The following TBX5 variants were observed in gnomAD, a reference collection of about 807,000 sequenced individuals.
TBX5 encodes the protein T-box transcription factor 5.
Under a neutral mutation model 51.1 loss-of-function variants are expected in TBX5, and 8 were observed. The ratio of observed to expected loss-of-function variants is 0.16; its 90% CI spans 0.09 to 0.28. TBX5 has a LOEUF of 0.28. TBX5 is among the 10% of genes least tolerant of loss of function. The pLI, the probability that TBX5 is intolerant of heterozygous loss-of-function variation, is 1.00. For synonymous variants in TBX5, 302 were observed against 266.4 expected (o/e 1.13, Z -1.30); for missense variants, 589 against 671.7 (o/e 0.88, Z 1.36).
In TBX5 at chr12:114,366,286, C is replaced by T; in HGVS notation, c.861G>A (p.Leu287=). 6.2e-7 allele frequency: 1 copy of T among 1,614,054 alleles called. No homozygotes were observed. Among genetic ancestry groups the T allele is most frequent in the Non-Finnish European group, 8.5e-7 (1 of 1,180,018 alleles). ...ESRALSTSSN[L]GSQYQCENGV... ...CATTCTCACACTGGTATTGGGACCC[C>T]AAATTGGATGAGGTGGAGAGAGCTC... The change falls in exon 8 of 9, where the codon TTG becomes TTA. Residue 287 remains leucine, a synonymous_variant. Coordinates refer to ENST00000405440, the MANE Select transcript of TBX5 (RefSeq NM_181486.4).
At chr12:114,367,001 G>A (rs1869575723) in intron 7 of TBX5, among the ~76,000 whole-genome samples, 1 of 152,090 alleles carries the variant, frequency 6.6e-6, no homozygotes, top group Non-Finnish European at 1.5e-5. Flanking sequence ...TGTAAAGTAG[G>A]GATAATGAAT....
upstream of TBX5, chr12:114,408,312 C>T: frequency 1.4e-6 from 1 of 720,918 alleles, no homozygotes; most frequent in Non-Finnish European, 1.7e-6. Flanking sequence ...ACAAATAGAG[C>T]CAAGATCGAC....
At chr12:114,400,309 G>C (rs950579451) in intron 3 of TBX5, among the ~76,000 whole-genome samples, 34 of 152,126 alleles carry the variant, frequency 2.2e-4, no homozygotes, top group Non-Finnish European at 3.8e-4. Context: ...AAATTCCTTG[G>C]CCTTCAGCAA....
intron 2 of TBX5, among the ~76,000 whole-genome samples, chr12:114,402,983 T>C (rs1194063590): frequency 1.3e-5 from 2 of 152,072 alleles, no homozygotes; most frequent in Admixed American, 1.3e-4. Flanking sequence ...GTGTCTCTTC[T>C]GGTCGTCACC....
At chr12:114,391,546 A>G (rs1351594723) in intron 6 of TBX5, among the ~76,000 whole-genome samples, 1 of 152,190 alleles carries the variant, frequency 6.6e-6, no homozygotes, top group Non-Finnish European at 1.5e-5. Context: ...TCTTCACAAC[A>G]ACACTATGAG....
chr12:114,405,486 A>C (rs1243904607), intron 1 of TBX5, 142 bp downstream of exon 1: 2 of 157,076 alleles, frequency 1.3e-5, no homozygotes, highest in African/African-American at 4.8e-5. Flanking sequence ...TTTGCCGGGG[A>C]GCTCCGAGCC....
In TBX5 at chr12:114,372,981, TACACACACACACAC is replaced by T. The variant is rs56137685; in HGVS notation, c.756-6604_756-6591del. Among the ~76,000 whole-genome samples the T allele has an allele frequency of 3.1e-3, 440 of 142,950 alleles. 4 individuals carry two copies. The highest frequency in any genetic ancestry group is 9.4e-3 in the African/African-American group (367 of 38,986). The allele number at this position is 142,950 out of a possible 152,430, so 93.8% of individuals were successfully genotyped here. ...GAAAGGCTTAGCGAATATATATACA[TACACACACACACAC>T]ACACACACACACACACACACACACA... On this transcript the variant is annotated intron_variant, in intron 7 of 8. Coordinates refer to ENST00000405440, the MANE Select transcript of TBX5 (RefSeq NM_181486.4).
intron 5 of TBX5, 46 bp from the exon 6 acceptor site, chr12:114,394,939 C>G: frequency 6.3e-7 from 1 of 1,597,492 alleles, no homozygotes. Context: ...TCAAAACTCC[C>G]TTTGTCTCCA....
intron 6 of TBX5, among the ~76,000 whole-genome samples, chr12:114,394,414 ACCTTTCTT>A (rs1871309733): frequency 6.6e-6 from 1 of 152,044 alleles, no homozygotes; most frequent in African/African-American, 2.4e-5. Flanking sequence ...CCATTAAGCA[ACCTTTCTT>A]CCCACTAGGC....
intron 5 of TBX5, among the ~76,000 whole-genome samples, chr12:114,398,279 G>C (rs1451296212): frequency 6.6e-6 from 1 of 152,144 alleles, no homozygotes; most frequent in Non-Finnish European, 1.5e-5. Flanking sequence ...GTGTAGGAGA[G>C]TAGTGGAGAC....
chr12:114,369,759 A>G (rs1429238071), intron 7 of TBX5, among the ~76,000 whole-genome samples: 2 of 152,178 alleles, frequency 1.3e-5, no homozygotes, highest in Admixed American at 6.5e-5. Context: ...AAAGTTGAAA[A>G]GCCCTTCTGT....
chr12:114,361,340 C>T (rs963286985), intron 8 of TBX5, among the ~76,000 whole-genome samples: 38 of 152,330 alleles, frequency 2.5e-4, no homozygotes, highest in African/African-American at 8.2e-4. Context: ...TCCCCTTCCC[C>T]TCTCAATCTC....
At chr12:114,359,591 T>C (rs1285709544) in intron 8 of TBX5, among the ~76,000 whole-genome samples, 2 of 152,222 alleles carry the variant, frequency 1.3e-5, no homozygotes, top group African/African-American at 4.8e-5. Context: ...CAGTAAATTC[T>C]TCCTGATTCT....
At chr12:114,364,271 C>T (rs1869394189) in intron 8 of TBX5, among the ~76,000 whole-genome samples, 1 of 152,230 alleles carries the variant, frequency 6.6e-6, no homozygotes, top group Non-Finnish European at 1.5e-5. Flanking sequence ...ACTGGATTCA[C>T]AAAGGCTTGT....
chr12:114,401,777 C>A (rs749023512), intron 3 of TBX5, 49 bp downstream of exon 3: 1 of 1,577,714 alleles, frequency 6.3e-7, no homozygotes, highest in African/African-American at 1.3e-5. Flanking sequence ...TTCTTCACCT[C>A]TCCCACAATT....
intron 2 of TBX5, 75 bp from the exon 3 acceptor site, chr12:114,401,995 A>G: frequency 7.9e-7 from 1 of 1,258,530 alleles, no homozygotes; most frequent in Non-Finnish European, 1.2e-6. Context: ...CTCCCCCAAA[A>G]CACAGAGACT....
At chr12:114,386,152 T>C (rs1197454210) in intron 6 of TBX5, among the ~76,000 whole-genome samples, 1 of 152,200 alleles carries the variant, frequency 6.6e-6, no homozygotes, top group South Asian at 2.1e-4. Flanking sequence ...TGATAACTTA[T>C]ATAATAGCTA....
intron 8 of TBX5, among the ~76,000 whole-genome samples, chr12:114,360,492 G>T (rs1374868099): frequency 1.4e-5 from 2 of 146,266 alleles, no homozygotes; most frequent in East Asian, 2.1e-4. Flanking sequence ...GGGTGGGTGG[G>T]TAGATGGGTG....
rs1872181391 is a variant in TBX5, at chr12:114,405,827, C to G, written c.-238G>C. On this transcript the variant is annotated 5_prime_UTR_variant, in exon 1 of 9. Coordinates refer to ENST00000405440, the MANE Select transcript of TBX5 (RefSeq NM_181486.4). ...GGCGACTGCCCACCTCCAACACACACCTCCTCTGCTGTGCGCTTGCTCTCC... is the reference window on the plus strand; with the variant it reads ...GGCGACTGCCCACCTCCAACACACAGCTCCTCTGCTGTGCGCTTGCTCTCC... 2.0e-6 allele frequency: 2 copies of G among 985,454 alleles called. No homozygotes were observed. Among genetic ancestry groups the G allele is most frequent in the Admixed American group, 6.1e-5 (1 of 16,266 alleles). 61.0% of individuals were successfully genotyped at this position (985,454 alleles called of 1,614,324 possible). A position where few individuals can be genotyped will look rare whatever the true frequency, so the allele number is the denominator to read the frequency against.
Sources: allele counts gnomAD v4.1 joint callset (sites outside exome capture counted in the v4.1 genomes callset), GRCh38; gene constraint gnomAD v4.1.1; transcripts MANE v1.5; gene names NCBI Gene and HGNC (gene_info 2026-07-23, HGNC 2026-07-21).